The following XNDC1N variants were observed in gnomAD, a reference collection of about 807,000 sequenced individuals.
XNDC1N encodes the protein XRCC1 N-terminal domain containing 1, N-terminal like, also known as protein XNDC1N.
chr11:71,901,697 G>T, the XNDC1N span, among the ~76,000 whole-genome samples: 2 of 151,988 alleles, frequency 1.3e-5, no homozygotes, highest in East Asian at 3.9e-4. Flanking sequence ...GTCTGGCCAT[G>T]AATTTTGAAT....
chr11:71,922,992 T>A, the XNDC1N span, among the ~76,000 whole-genome samples: 7 of 152,358 alleles, frequency 4.6e-5, no homozygotes, highest in African/African-American at 1.7e-4. Flanking sequence ...CTGTTCTAAA[T>A]GATAGAATGA....
chr11:71,925,602 A>C, the XNDC1N span, among the ~76,000 whole-genome samples: 1 of 152,210 alleles, frequency 6.6e-6, no homozygotes, highest in African/African-American at 2.4e-5. Context: ...CTCTTCTGCT[A>C]GATTTTAGAG....
chr11:71,899,957 G>A, the XNDC1N span, among the ~76,000 whole-genome samples: 7 of 152,370 alleles, frequency 4.6e-5, no homozygotes, highest in East Asian at 1.9e-4. Context: ...GGGAAAAACC[G>A]CCCTATGGTG....
the XNDC1N span, among the ~76,000 whole-genome samples, chr11:71,900,665 A>T: frequency 6.6e-6 from 1 of 152,208 alleles, no homozygotes; most frequent in Non-Finnish European, 1.5e-5. Context: ...TATGAAGGTG[A>T]TGATGAGGAT....
the XNDC1N span, among the ~76,000 whole-genome samples, chr11:71,879,235 G>A: frequency 2.0e-5 from 3 of 152,228 alleles, no homozygotes; most frequent in East Asian, 5.8e-4. Context: ...CTTTAAAGTT[G>A]AATAAAACTC....
At chr11:71,867,166 A>G in the XNDC1N span, among the ~76,000 whole-genome samples, 2 of 138,722 alleles carry the variant, frequency 1.4e-5, no homozygotes, top group East Asian at 2.1e-4. Flanking sequence ...ACAGTTTAAT[A>G]ACAAAAAAAA....
At chr11:71,887,585 C>A in the XNDC1N span, among the ~76,000 whole-genome samples, 446 of 151,576 alleles carry the variant, frequency 2.9e-3, no homozygotes, top group African/African-American at 0.01. Flanking sequence ...GACTGGGGCC[C>A]TGCCAGTGAG....
chr11:71,879,216 T>C, the XNDC1N span, among the ~76,000 whole-genome samples: 5 of 152,184 alleles, frequency 3.3e-5, no homozygotes, highest in Non-Finnish European at 7.3e-5. Context: ...GGACCTAGCC[T>C]CTGTGTTCCT....
At chr11:71,928,445 T>C in the XNDC1N span, 1 of 702,422 alleles carries the variant, frequency 1.4e-6, no homozygotes. Context: ...TTCGGCCTTC[T>C]GACCTTCGCC....
the XNDC1N span, among the ~76,000 whole-genome samples, chr11:71,908,668 G>A: frequency 0.015 from 2,263 of 152,136 alleles, 40 homozygotes; most frequent in African/African-American, 0.052. Flanking sequence ...GCCCCATACC[G>A]AAAAGCCACA....
At chr11:71,898,371 C>G in the XNDC1N span, among the ~76,000 whole-genome samples, 1 of 152,100 alleles carries the variant, frequency 6.6e-6, no homozygotes, top group Non-Finnish European at 1.5e-5. Context: ...CTTTGGGAGG[C>G]TGAGGCAGGC....
the XNDC1N span, among the ~76,000 whole-genome samples, chr11:71,913,780 G>A: frequency 2.0e-5 from 3 of 152,060 alleles, no homozygotes; most frequent in African/African-American, 7.2e-5. Flanking sequence ...TCTCTCGTTA[G>A]GGCTAATGCA....
chr11:71,885,787 TATTA>T, the XNDC1N span, among the ~76,000 whole-genome samples: 1 of 151,948 alleles, frequency 6.6e-6, no homozygotes, highest in South Asian at 2.1e-4. Flanking sequence ...TTAATATTAA[TATTA>T]ATTCTTAGGA....
At chr11:71,880,407 TTTG>T in the XNDC1N span, among the ~76,000 whole-genome samples, 42 of 152,250 alleles carry the variant, frequency 2.8e-4, 1 homozygote, top group African/African-American at 7.9e-4. Context: ...CATTCTCTCT[TTTG>T]TTCTTGGTTA....
chr11:71,904,174 G>C, the XNDC1N span: 19 of 429,760 alleles, frequency 4.4e-5, no homozygotes, highest in Non-Finnish European at 8.0e-5. Flanking sequence ...GGTTAAAAAA[G>C]GCAGCAAGGT....
chr11:71,904,521 A>T, the XNDC1N span, among the ~76,000 whole-genome samples: 8 of 151,972 alleles, frequency 5.3e-5, no homozygotes, highest in South Asian at 1.5e-3. Flanking sequence ...TGACATTTGA[A>T]GTCATATCTC....
the XNDC1N span, among the ~76,000 whole-genome samples, chr11:71,902,786 T>C: frequency 6.6e-6 from 1 of 152,250 alleles, no homozygotes; most frequent in Non-Finnish European, 1.5e-5. Context: ...AAATAAAATA[T>C]TTGAGTTCTT....
the XNDC1N span, among the ~76,000 whole-genome samples, chr11:71,894,730 C>T: frequency 6.6e-6 from 1 of 152,186 alleles, no homozygotes; most frequent in Non-Finnish European, 1.5e-5. Flanking sequence ...TTTTGGAATT[C>T]CCTGAAAACT....
the XNDC1N span, among the ~76,000 whole-genome samples, chr11:71,909,908 T>A: frequency 2.0e-5 from 3 of 152,110 alleles, no homozygotes; most frequent in Admixed American, 1.3e-4. Context: ...ATGACCCTTA[T>A]GGTTCTCCGA....
Sources: gnomAD v4.1 joint callset for allele counts (sites outside exome capture counted in the v4.1 genomes callset) on GRCh38, gnomAD v4.1.1 for gene constraint, MANE v1.5 for transcripts, NCBI Gene and HGNC (gene_info 2026-07-23, HGNC 2026-07-21) for gene names.